Variants in ZBBX observed in about 807,000 individuals in gnomAD.
ZBBX encodes zinc finger B-box domain containing.
In ZBBX, 101 loss-of-function variants were observed where a neutral mutation model predicts 108.5. The observed-to-expected ratio is 0.93, with a 90% confidence interval of 0.79 to 1.10. The LOEUF is 1.10. Ranked by LOEUF, ZBBX falls within the 50% of genes least tolerant of loss-of-function variation. The probability of loss-of-function intolerance (pLI) is 0.00; values close to 1 mark genes in which losing one functional copy is unlikely to be tolerated. For synonymous variants in ZBBX, 356 were observed against 323.4 expected (o/e 1.10, Z -1.08); for missense variants, 1,009 against 941.4 (o/e 1.07, Z -0.94).
the ZBBX span, among the ~76,000 whole-genome samples, chr3:167,198,001 A>G: frequency 5.3e-5 from 8 of 152,202 alleles, no homozygotes; most frequent in African/African-American, 1.7e-4. Context: ...ATTTTACAAA[A>G]ATCTATTGAT....
chr3:167,215,054 C>T, the ZBBX span, among the ~76,000 whole-genome samples: 2 of 152,010 alleles, frequency 1.3e-5, no homozygotes, highest in Non-Finnish European at 2.9e-5. Context: ...ATTTAACAAC[C>T]TAACTTCGCA....
chr3:167,348,806 T>C (rs1742157513), intron 9 of ZBBX, among the ~76,000 whole-genome samples: 1 of 152,106 alleles, frequency 6.6e-6, no homozygotes, highest in Non-Finnish European at 1.5e-5. Flanking sequence ...CAATCTACAT[T>C]TGGAATTTTA....
In ZBBX at chr3:167,305,798, C is replaced by T. The variant is rs1418285545; in HGVS notation, c.1570G>A (p.Val524Ile). ...ESNQKSDDSC[V>I]SLESKDTLLG... ...AAAGTGTCCTTGCTTTCAAGTGATA[C>T]ACAGGAATCATCAGACTTTTGATTA... Residue 524 changes from valine to isoleucine, a missense_variant, in exon 17 of 22, where the codon GTA (valine) becomes ATA (isoleucine). Transcript: ENST00000675490. The T allele has an allele frequency of 1.2e-6, 2 of 1,612,870 alleles. No homozygotes were observed. The highest frequency in any genetic ancestry group is 8.5e-7 in the Non-Finnish European group (1 of 1,179,420).
chr3:167,398,201 TTA>T (rs1748310903), intron 1 of ZBBX, among the ~76,000 whole-genome samples: 2 of 152,104 alleles, frequency 1.3e-5, no homozygotes, highest in African/African-American at 4.8e-5. Flanking sequence ...TTCATTTTGT[TTA>T]TGTTTCAGAA....
intron 18 of ZBBX, among the ~76,000 whole-genome samples, chr3:167,292,978 C>T (rs1560082065): frequency 6.6e-6 from 1 of 152,158 alleles, no homozygotes; most frequent in East Asian, 1.9e-4. Context: ...TGGACACATA[C>T]ACCCTCCCAA....
intron 2 of ZBBX, among the ~76,000 whole-genome samples, chr3:167,377,704 T>A (rs1747182811): frequency 2.0e-5 from 3 of 151,880 alleles, no homozygotes; most frequent in Admixed American, 2.0e-4. Context: ...ATTTAAAAAA[T>A]TATAAGGCAA....
At chr3:167,360,144 T>C (rs925942890) in intron 7 of ZBBX, among the ~76,000 whole-genome samples, 165 bp from the exon 8 acceptor site, 5 of 148,060 alleles carry the variant, frequency 3.4e-5, no homozygotes, top group African/African-American at 9.8e-5. Context: ...AATAAATATA[T>C]GTATATAAAT....
At chr3:167,301,184 T>G (rs1426067279) in intron 17 of ZBBX, among the ~76,000 whole-genome samples, 1 of 152,200 alleles carries the variant, frequency 6.6e-6, no homozygotes, top group Non-Finnish European at 1.5e-5. Context: ...ACCTGTTACA[T>G]TAATTGAATA....
At chr3:167,179,561 T>G in the ZBBX span, among the ~76,000 whole-genome samples, 1 of 152,352 alleles carries the variant, frequency 6.6e-6, no homozygotes, top group South Asian at 2.1e-4. Context: ...TTCATCTGTA[T>G]GAAATCATAA....
chr3:167,239,603 T>A (rs1253738349), downstream of ZBBX, among the ~76,000 whole-genome samples: 1 of 152,126 alleles, frequency 6.6e-6, no homozygotes, highest in Non-Finnish European at 1.5e-5. Context: ...ATACAGTATA[T>A]AATACATATA....
At chr3:167,359,595 T>A (rs980421016) in intron 8 of ZBBX, among the ~76,000 whole-genome samples, 1 of 152,126 alleles carries the variant, frequency 6.6e-6, no homozygotes. Context: ...AACATGTTTG[T>A]GTGCTAATAG....
chr3:167,197,501 A>G, the ZBBX span, among the ~76,000 whole-genome samples: 1 of 152,106 alleles, frequency 6.6e-6, no homozygotes, highest in Non-Finnish European at 1.5e-5. Context: ...TTGCACCACC[A>G]CATTCCAGTC....
At position 167,305,977 on chromosome 3, in the gene ZBBX, G is replaced by T. The variant is rs189771276; in HGVS notation, c.1418-27C>A. ...TGTTAAAAACACACAGTTACAAAAG[G>T]TACATAAATAAATTTAAACAAATAA... On this transcript the variant is annotated intron_variant, in intron 16 of 21. Transcript: ENST00000675490. 2.0e-5 allele frequency: 29 copies of T among 1,433,048 alleles called. No individual in the cohort carries two copies. In the East Asian group the frequency reaches 6.3e-4, roughly 31 times the overall value. 88.8% of individuals were successfully genotyped at this position (1,433,048 alleles called of 1,614,324 possible).
At chr3:167,364,113 G>T (rs1212870534) in intron 6 of ZBBX, among the ~76,000 whole-genome samples, 1 of 151,558 alleles carries the variant, frequency 6.6e-6, no homozygotes, top group Non-Finnish European at 1.5e-5. Flanking sequence ...ATAATTCTTT[G>T]TTGTGGGGAT....
chr3:167,274,938 T>C (rs1727237080), intron 20 of ZBBX, among the ~76,000 whole-genome samples: 2 of 152,224 alleles, frequency 1.3e-5, no homozygotes, highest in Admixed American at 6.5e-5. Context: ...GGCACCCTTT[T>C]GCAAAAGAAA....
chr3:167,182,988 G>A, the ZBBX span, among the ~76,000 whole-genome samples: 2 of 152,126 alleles, frequency 1.3e-5, no homozygotes, highest in Admixed American at 1.3e-4. Flanking sequence ...AATTGAGAGT[G>A]GTCGCTCTAG....
chr3:167,204,198 C>CTTTTTTTTTTTTTTT, the ZBBX span, among the ~76,000 whole-genome samples: 1 of 118,092 alleles, frequency 8.5e-6, no homozygotes, highest in African/African-American at 3.0e-5. Context: ...TTCTTTTTTT[C>CTTTTTTTTTTTTTTT]TTTTTTTTTT....
chr3:167,214,161 G>C, the ZBBX span, among the ~76,000 whole-genome samples: 1 of 151,992 alleles, frequency 6.6e-6, no homozygotes, highest in East Asian at 1.9e-4. Flanking sequence ...AGGGCACAAT[G>C]ACATATTAAC....
chr3:167,202,737 G>A, the ZBBX span, among the ~76,000 whole-genome samples: 3 of 152,122 alleles, frequency 2.0e-5, no homozygotes, highest in Admixed American at 6.6e-5. Flanking sequence ...CCATTGCAAT[G>A]AGCAGCATGT....
Sources: allele counts gnomAD v4.1 joint callset (sites outside exome capture counted in the v4.1 genomes callset), GRCh38; gene constraint gnomAD v4.1.1; transcripts MANE v1.5; gene names NCBI Gene and HGNC (gene_info 2026-07-23, HGNC 2026-07-21).